The following CPNE4 variants were observed in gnomAD, a reference collection of about 807,000 sequenced individuals.
The protein encoded by CPNE4 is copine-4.
A neutral mutation model predicts 67.9 loss-of-function variants in CPNE4; 25 were observed. The ratio of observed to expected loss-of-function variants is 0.37; its 90% CI spans 0.27 to 0.51. The LOEUF is 0.51. Ranked by LOEUF, CPNE4 falls within the 20% of genes least tolerant of loss-of-function variation. CPNE4 has a pLI of 0.93. For synonymous variants in CPNE4, 242 were observed against 244.9 expected (o/e 0.99, Z 0.11); for missense variants, 464 against 690.8 (o/e 0.67, Z 3.68).
chr3:131,766,594 C>T (rs1157117055), intron 2 of CPNE4, among the ~76,000 whole-genome samples: 2 of 152,110 alleles, frequency 1.3e-5, no homozygotes, highest in Admixed American at 1.3e-4. Context: ...CCAGCCAGCT[C>T]AAGCACAGCA....
At chr3:131,783,831 C>A (rs1052659863) in intron 2 of CPNE4, among the ~76,000 whole-genome samples, 2 of 152,048 alleles carry the variant, frequency 1.3e-5, no homozygotes, top group African/African-American at 2.4e-5. Flanking sequence ...CTTATCCATA[C>A]TGACCAGACA....
At chr3:131,593,661 T>TATC in intron 7 of CPNE4, among the ~76,000 whole-genome samples, 2 of 152,302 alleles carry the variant, frequency 1.3e-5, no homozygotes, top group South Asian at 4.1e-4. Flanking sequence ...CCTTTTATTT[T>TATC]ATCTTCCCTA....
chr3:131,552,148 A>C (rs910049833), intron 13 of CPNE4, among the ~76,000 whole-genome samples: 2 of 151,240 alleles, frequency 1.3e-5, no homozygotes, highest in Non-Finnish European at 1.5e-5. Flanking sequence ...GTGAAGTTTC[A>C]TTTATTATTA....
intron 12 of CPNE4, among the ~76,000 whole-genome samples, chr3:131,553,516 C>T (rs1451169843): frequency 2.0e-5 from 3 of 151,980 alleles, no homozygotes; most frequent in African/African-American, 7.2e-5. Context: ...TATACATATC[C>T]CAGCTCCCTT....
At chr3:131,615,929 G>GCACACACA (rs55641783) in intron 7 of CPNE4, among the ~76,000 whole-genome samples, 1 of 78,060 alleles carries the variant, frequency 1.3e-5, no homozygotes, top group Non-Finnish European at 2.3e-5. Flanking sequence ...ACACACACAC[G>GCACACACA]CACACACACA....
chr3:131,765,657 TG>T (rs1466008652), intron 2 of CPNE4, among the ~76,000 whole-genome samples: 1 of 152,068 alleles, frequency 6.6e-6, no homozygotes, highest in Admixed American at 6.6e-5. Flanking sequence ...GGTTTTCTGG[TG>T]GTCTTTGAGA....
chr3:131,784,541 C>T (rs527325564), intron 2 of CPNE4, among the ~76,000 whole-genome samples: 1 of 152,200 alleles, frequency 6.6e-6, no homozygotes, highest in South Asian at 2.1e-4. Context: ...AGGGGTAACC[C>T]TGAACCCATG....
chr3:131,734,845 C>T (rs536528126), intron 2 of CPNE4, among the ~76,000 whole-genome samples: 22 of 152,212 alleles, frequency 1.4e-4, no homozygotes, highest in South Asian at 2.1e-4. Flanking sequence ...GAGCCATGAA[C>T]GCACTGAGGC....
At chr3:131,833,320 A>C (rs1286259167) in intron 2 of CPNE4, among the ~76,000 whole-genome samples, 1 of 152,212 alleles carries the variant, frequency 6.6e-6, no homozygotes, top group Non-Finnish European at 1.5e-5. Flanking sequence ...AGTTCTTTGG[A>C]AACAGGATAA....
chr3:131,860,109 T>C (rs952208290), intron 2 of CPNE4, among the ~76,000 whole-genome samples: 11 of 152,212 alleles, frequency 7.2e-5, no homozygotes, highest in Non-Finnish European at 1.5e-4. Context: ...TAAGGCACTT[T>C]GGTCTTTAAC....
intron 6 of CPNE4, among the ~76,000 whole-genome samples, chr3:131,670,582 G>T (rs1439655467): frequency 6.6e-6 from 1 of 152,116 alleles, no homozygotes; most frequent in Non-Finnish European, 1.5e-5. Flanking sequence ...CCAAAGTGTG[G>T]TTCCTGGACC....
At chr3:132,018,007 G>A (rs2073922165) in intron 1 of CPNE4, among the ~76,000 whole-genome samples, 1 of 152,102 alleles carries the variant, frequency 6.6e-6, no homozygotes, top group Admixed American at 6.5e-5. Context: ...CTCAGAGTGT[G>A]CCCCCAGACA....
intron 2 of CPNE4, among the ~76,000 whole-genome samples, chr3:131,823,505 T>C (rs2085039834): frequency 1.3e-5 from 2 of 152,220 alleles, no homozygotes; most frequent in South Asian, 4.1e-4. Flanking sequence ...GTGCCATATG[T>C]TCTGAATATA....
intron 2 of CPNE4, among the ~76,000 whole-genome samples, chr3:131,812,918 G>A (rs576122509): frequency 3.9e-5 from 6 of 152,246 alleles, no homozygotes; most frequent in African/African-American, 1.2e-4. Context: ...TAACATTTTA[G>A]GTAGTAATCC....
At chr3:131,678,901 G>C (rs1446712761) in intron 6 of CPNE4, among the ~76,000 whole-genome samples, 2 of 152,126 alleles carry the variant, frequency 1.3e-5, no homozygotes, top group African/African-American at 4.8e-5. Context: ...TTTTTTTGTT[G>C]TTGTGTCTGT....
intron 3 of CPNE4, among the ~76,000 whole-genome samples, chr3:131,718,924 G>A (rs780226522): frequency 1.5e-4 from 23 of 152,170 alleles, no homozygotes; most frequent in Non-Finnish European, 1.5e-5. Flanking sequence ...TAGTGTTAAA[G>A]GAGTCATCAT....
chr3:131,996,146 T>C (rs1338395010), intron 1 of CPNE4, among the ~76,000 whole-genome samples: 1 of 152,202 alleles, frequency 6.6e-6, no homozygotes, highest in African/African-American at 2.4e-5. Context: ...CAGGACACGA[T>C]AAAATGCTGT....
chr3:131,864,731 T>A (rs2086857307), intron 2 of CPNE4, among the ~76,000 whole-genome samples: 1 of 151,990 alleles, frequency 6.6e-6, no homozygotes, highest in South Asian at 2.1e-4. Flanking sequence ...TGGCCAGAAC[T>A]TGCAACACTA....
At chr3:131,754,625 C>T (rs1032956052) in intron 2 of CPNE4, among the ~76,000 whole-genome samples, 1 of 152,118 alleles carries the variant, frequency 6.6e-6, no homozygotes, top group African/African-American at 2.4e-5. Context: ...AGGTGATATA[C>T]ATTTAGGGAC....
Sources: allele counts gnomAD v4.1 joint callset (sites outside exome capture counted in the v4.1 genomes callset), GRCh38; gene constraint gnomAD v4.1.1; transcripts MANE v1.5; gene names NCBI Gene and HGNC (gene_info 2026-07-23, HGNC 2026-07-21).